TTBK2: variants seen among roughly 807,000 people sequenced by gnomAD.
The protein encoded by TTBK2 is tau-tubulin kinase 2.
In TTBK2, 28 loss-of-function variants were observed where a neutral mutation model predicts 110.8. The observed-to-expected ratio is 0.25, with a 90% CI of 0.19 to 0.35. The LOEUF (loss-of-function observed/expected upper bound fraction) is 0.35. Ranked by LOEUF, TTBK2 falls within the 10% of genes least tolerant of loss-of-function variation. TTBK2 has a pLI of 1.00. For missense variants in TTBK2, 1,369 were observed against 1,500.3 expected (o/e 0.91, Z 1.45); for synonymous variants, 532 against 527.3 (o/e 1.01, Z -0.12).
intron 1 of TTBK2, among the ~76,000 whole-genome samples, chr15:42,881,443 A>G: frequency 6.6e-6 from 1 of 152,050 alleles, no homozygotes. Flanking sequence ...CGAAAGCACA[A>G]TCAATAGATG....
At chr15:42,920,952 G>GGA (rs2031341225), upstream of TTBK2, 1 of 152,622 alleles carries the variant, frequency 6.6e-6, no homozygotes, top group African/African-American at 2.4e-5. Flanking sequence ...CGAAGGGGGC[G>GGA]GAGAGTCGGG....
At chr15:42,790,407 T>G (rs1199098245) in intron 10 of TTBK2, among the ~76,000 whole-genome samples, 1 of 149,738 alleles carries the variant, frequency 6.7e-6, no homozygotes, top group East Asian at 2.0e-4. Context: ...GCCTCAGCCT[T>G]CGGAGTAGCT....
At chr15:42,886,600 T>C (rs1265230868) in intron 1 of TTBK2, among the ~76,000 whole-genome samples, 1 of 152,074 alleles carries the variant, frequency 6.6e-6, no homozygotes, top group African/African-American at 2.4e-5. Flanking sequence ...CTCCAAAAAT[T>C]AGATTCCGGC....
At chr15:42,896,353 A>G (rs1895668649) in intron 1 of TTBK2, among the ~76,000 whole-genome samples, 1 of 152,110 alleles carries the variant, frequency 6.6e-6, no homozygotes, top group Non-Finnish European at 1.5e-5. Flanking sequence ...TAGTAATAAT[A>G]ATAATACAGA....
chr15:42,843,872 G>T (rs1293335859), intron 3 of TTBK2, among the ~76,000 whole-genome samples: 2 of 151,102 alleles, frequency 1.3e-5, no homozygotes, highest in Middle Eastern at 3.3e-3. Context: ...TGGACCAACT[G>T]ACACCACCCA....
intron 1 of TTBK2, among the ~76,000 whole-genome samples, chr15:42,888,095 G>C (rs1223091146): frequency 6.6e-6 from 1 of 152,066 alleles, no homozygotes; most frequent in African/African-American, 2.4e-5. Flanking sequence ...TGACCTTACT[G>C]TTTTAGCCTA....
intron 3 of TTBK2, among the ~76,000 whole-genome samples, chr15:42,846,920 T>C (rs1485703615): frequency 6.6e-6 from 1 of 152,296 alleles, no homozygotes; most frequent in South Asian, 2.1e-4. Context: ...GGGGGTGGCC[T>C]ACCCAGAGAG....
chr15:42,805,600 A>T (rs1891430476), intron 9 of TTBK2, among the ~76,000 whole-genome samples: 1 of 152,216 alleles, frequency 6.6e-6, no homozygotes, highest in South Asian at 2.1e-4. Context: ...GGCAGAGGCA[A>T]CAATTCTCCC....
At chr15:42,877,125 T>C (rs77399423) in intron 2 of TTBK2, among the ~76,000 whole-genome samples, 1 of 152,128 alleles carries the variant, frequency 6.6e-6, no homozygotes, top group South Asian at 2.1e-4. Flanking sequence ...AAAAAACTTG[T>C]CCTTATAGAT....
At chr15:42,864,557 C>T (rs1894288891) in intron 3 of TTBK2, among the ~76,000 whole-genome samples, 1 of 151,510 alleles carries the variant, frequency 6.6e-6, no homozygotes, top group East Asian at 1.9e-4. Flanking sequence ...GCACCCCAGC[C>T]TAGGCAATAA....
chr15:42,909,884 G>A (rs1476338419), intron 1 of TTBK2, among the ~76,000 whole-genome samples: 1 of 152,108 alleles, frequency 6.6e-6, no homozygotes, highest in East Asian at 1.9e-4. Flanking sequence ...GCAGGTGAAA[G>A]CCAGGCAGCT....
chr15:42,802,418 G>GCGGGC, intron 9 of TTBK2: 2 of 735,330 alleles, frequency 2.7e-6, no homozygotes, highest in Non-Finnish European at 5.0e-6. Context: ...GTGGAGGCAG[G>GCGGGC]CGGGCCGAAC....
intron 1 of TTBK2, among the ~76,000 whole-genome samples, chr15:42,893,256 G>A (rs758626211): frequency 2.0e-5 from 3 of 151,948 alleles, no homozygotes; most frequent in Non-Finnish European, 4.4e-5. Context: ...CAACACTTTG[G>A]GAGGCCAAGG....
intron 13 of TTBK2, among the ~76,000 whole-genome samples, chr15:42,766,596 A>T (rs1056144329): frequency 6.6e-6 from 1 of 152,082 alleles, no homozygotes; most frequent in Non-Finnish European, 1.5e-5. Flanking sequence ...TCCTAAATAT[A>T]TATGCACCCA....
intron 3 of TTBK2, among the ~76,000 whole-genome samples, chr15:42,852,260 G>A (rs1462728630): frequency 6.6e-6 from 1 of 151,746 alleles, no homozygotes; most frequent in Non-Finnish European, 1.5e-5. Flanking sequence ...GTAGAGACGG[G>A]GTTTTACCAT....
At chr15:42,815,166 A>G (rs1310772389) in intron 7 of TTBK2, among the ~76,000 whole-genome samples, 2 of 152,162 alleles carry the variant, frequency 1.3e-5, no homozygotes, top group Non-Finnish European at 2.9e-5. Flanking sequence ...AAAAGAAGAG[A>G]GCTTCTTTTC....
chr15:42,798,936 G>A (rs1283093810), intron 9 of TTBK2, among the ~76,000 whole-genome samples: 1 of 152,164 alleles, frequency 6.6e-6, no homozygotes, highest in African/African-American at 2.4e-5. Flanking sequence ...TCCCAAATCT[G>A]AAAATCGAAA....
intron 1 of TTBK2, among the ~76,000 whole-genome samples, chr15:42,900,095 C>T (rs192277182): frequency 1.3e-5 from 2 of 151,714 alleles, no homozygotes; most frequent in East Asian, 2.0e-4. Flanking sequence ...CGGGTTCAAG[C>T]GATTCTCCTG....
chr15:42,758,132 CA>C (rs1490301628), intron 13 of TTBK2, among the ~76,000 whole-genome samples: 4 of 152,208 alleles, frequency 2.6e-5, no homozygotes, highest in Non-Finnish European at 5.9e-5. Context: ...CGAAATTCAA[CA>C]TCCATTCCAA....
Sources: allele counts gnomAD v4.1 joint callset (sites outside exome capture counted in the v4.1 genomes callset), GRCh38; gene constraint gnomAD v4.1.1; transcripts MANE v1.5; gene names NCBI Gene and HGNC (gene_info 2026-07-23, HGNC 2026-07-21).